The following NRIP1 variants were observed in gnomAD, a reference collection of about 807,000 sequenced individuals.
NRIP1 encodes the protein nuclear receptor interacting protein 1.
In NRIP1, 28 loss-of-function variants were observed where a neutral mutation model predicts 75.0. That is an observed-to-expected ratio of 0.37 (90% CI 0.28 to 0.51). NRIP1 has a LOEUF of 0.51. NRIP1 is among the 20% of genes least tolerant of loss of function. NRIP1 has a pLI of 0.92. For synonymous variants in NRIP1, 526 were observed against 487.6 expected (o/e 1.08, Z -1.04); for missense variants, 1,435 against 1,343.7 (o/e 1.07, Z -1.06).
intron 3 of NRIP1, among the ~76,000 whole-genome samples, chr21:14,998,451 T>C (rs555461348): frequency 2.0e-5 from 3 of 152,342 alleles, no homozygotes; most frequent in Admixed American, 6.5e-5. Context: ...AGAGACTCAA[T>C]TGGCTGCCTT....
intron 3 of NRIP1, among the ~76,000 whole-genome samples, chr21:14,972,923 C>T (rs918171078): frequency 6.6e-6 from 1 of 152,196 alleles, no homozygotes; most frequent in African/African-American, 2.4e-5. Context: ...CACTGCTCAC[C>T]GCCTGCTGTG....
At chr21:15,053,842 AAAC>A (rs2089251344) in intron 1 of NRIP1, among the ~76,000 whole-genome samples, 1 of 152,212 alleles carries the variant, frequency 6.6e-6, no homozygotes, top group African/African-American at 2.4e-5. Context: ...AACAAAAAAG[AAAC>A]AACAAACAAC....
In NRIP1 at chr21:14,979,306, T is replaced by C. The variant is rs191120862; in HGVS notation, c.-334-10780A>G. Among the ~76,000 whole-genome samples, 938 of 152,346 alleles carry C rather than the reference T, an allele frequency of 6.2e-3. 9 individuals carry two copies. Among genetic ancestry groups the C allele is most frequent in the African/African-American group, 0.021 (880 of 41,584 alleles). ...AAGAAATGTAATGGAAAATGGATCT[T>C]TCTTCTTCTGGAATTGCTTGAGTGT... On this transcript the variant is annotated intron_variant, in intron 3 of 3. Coordinates refer to ENST00000318948, the MANE Select transcript of NRIP1 (RefSeq NM_003489.4).
chr21:15,019,313 AAGAT>A (rs61515827), intron 2 of NRIP1, among the ~76,000 whole-genome samples: 37,344 of 149,314 alleles, frequency 0.25, 5,995 homozygotes, highest in African/African-American at 0.46. Flanking sequence ...AACAAATATA[AAGAT>A]AGATAGACTG....
upstream of NRIP1, chr21:15,065,069 C>A: frequency 6.4e-6 from 1 of 155,376 alleles, no homozygotes; most frequent in South Asian, 1.8e-4. Flanking sequence ...GCCGCCGAGT[C>A]CGCCGCGGCC....
intron 1 of NRIP1, among the ~76,000 whole-genome samples, chr21:15,064,216 C>A (rs1978621974): frequency 2.0e-5 from 3 of 152,216 alleles, no homozygotes; most frequent in Non-Finnish European, 4.4e-5. Flanking sequence ...ACCGCGAGTG[C>A]GGGCAGAGCG....
At chr21:15,031,589 G>A (rs1378667326) in intron 2 of NRIP1, among the ~76,000 whole-genome samples, 2 of 137,802 alleles carry the variant, frequency 1.5e-5, no homozygotes, top group Non-Finnish European at 1.6e-5. Flanking sequence ...TCTGGAAGGC[G>A]CTCGGAGGAT....
chr21:15,042,484 T>C (rs2088978136), intron 2 of NRIP1, among the ~76,000 whole-genome samples: 1 of 152,250 alleles, frequency 6.6e-6, no homozygotes, highest in Non-Finnish European at 1.5e-5. Flanking sequence ...CTGAATGTTG[T>C]GTCTCCCCAA....
intron 2 of NRIP1, among the ~76,000 whole-genome samples, chr21:15,036,241 T>C (rs2088830453): frequency 6.6e-6 from 1 of 152,178 alleles, no homozygotes; most frequent in Non-Finnish European, 1.5e-5. Flanking sequence ...GCCCACATAA[T>C]CTAGATGGCC....
intron 3 of NRIP1, among the ~76,000 whole-genome samples, chr21:14,996,381 G>A (rs751004693): frequency 2.6e-5 from 4 of 152,056 alleles, no homozygotes; most frequent in South Asian, 2.1e-4. Context: ...CCGGTCTTTG[G>A]GCGTCTGTGT....
chr21:15,039,030 A>T (rs2147302489), intron 2 of NRIP1, among the ~76,000 whole-genome samples: 1 of 152,268 alleles, frequency 6.6e-6, no homozygotes, highest in Non-Finnish European at 1.5e-5. Context: ...GAAAAAGAGA[A>T]CAGCATAAAG....
rs570756729 is a variant in NRIP1, at chr21:14,984,272, G to C, written c.-334-15746C>G. 3.3e-5 allele frequency among the ~76,000 whole-genome samples: 5 copies of C among 152,168 alleles called. No individual in the cohort carries two copies. The South Asian group carries it at 1.0e-3, about 32-fold the overall frequency. On this transcript the variant is annotated intron_variant, in intron 3 of 3. Coordinates refer to ENST00000318948, the MANE Select transcript of NRIP1 (RefSeq NM_003489.4). ...AGTGGAAGAAGCAACTGCAGATGTG[G>C]TAGAAAAAGCAAAAGAACTAGAAGT...
intron 2 of NRIP1, among the ~76,000 whole-genome samples, chr21:15,033,021 C>T (rs564756227): frequency 8.1e-4 from 123 of 152,068 alleles, no homozygotes; most frequent in Middle Eastern, 6.8e-3. Flanking sequence ...GTCAGGAGAT[C>T]GAGACCATCC....
At chr21:15,015,357 A>G (rs1463424924) in intron 2 of NRIP1, among the ~76,000 whole-genome samples, 1 of 152,152 alleles carries the variant, frequency 6.6e-6, no homozygotes. Flanking sequence ...AACTTGTCAG[A>G]TTGTTCCTTA....
intron 3 of NRIP1, among the ~76,000 whole-genome samples, chr21:14,972,552 G>A (rs1405745849): frequency 6.6e-6 from 1 of 152,080 alleles, no homozygotes; most frequent in African/African-American, 2.4e-5. Flanking sequence ...TCTCTTGCCT[G>A]GTTTTATATA....
At chr21:15,054,685 G>A (rs1234309312) in intron 1 of NRIP1, among the ~76,000 whole-genome samples, 3 of 152,034 alleles carry the variant, frequency 2.0e-5, no homozygotes, top group African/African-American at 2.4e-5. Flanking sequence ...ATACATAAAG[G>A]TTCTACTGCT....
At chr21:15,034,285 T>C (rs892612535) in intron 2 of NRIP1, among the ~76,000 whole-genome samples, 2 of 152,182 alleles carry the variant, frequency 1.3e-5, no homozygotes, top group Admixed American at 6.5e-5. Flanking sequence ...TACAAACCTA[T>C]AAAAATTCAA....
In NRIP1 at chr21:14,966,661, T is replaced by C; in HGVS notation, c.1532A>G (p.Glu511Gly). ...LQLLLGHKNE[E>G]NVEKNTSPQG... is the part of the protein sequence containing the mutation. Reference sequence around the variant, plus strand: ...AGGGCTGGTGTTTTTTTCTACATTTTCTTCATTCTTATGGCCAAGTAGCAA... The same window carrying C: ...AGGGCTGGTGTTTTTTTCTACATTTCCTTCATTCTTATGGCCAAGTAGCAA... The change falls in exon 4 of 4, where the codon GAA becomes GGA. Residue 511 changes from glutamate to glycine, a missense_variant. By Grantham distance (98) the Glu-to-Gly change is moderately conservative. Transcript: ENST00000318948. 1 of 1,614,164 alleles carries C rather than the reference T, an allele frequency of 6.2e-7. No individual in the cohort carries two copies. Among genetic ancestry groups the C allele is most frequent in the Non-Finnish European group, 8.5e-7 (1 of 1,180,002 alleles).
chr21:15,007,592 G>C (rs1414293726), intron 3 of NRIP1, among the ~76,000 whole-genome samples: 3 of 152,144 alleles, frequency 2.0e-5, no homozygotes, highest in African/African-American at 7.2e-5. Flanking sequence ...TTTGTACTTT[G>C]AACTATCAAC....
Sources: gnomAD v4.1 joint callset for allele counts (sites outside exome capture counted in the v4.1 genomes callset) on GRCh38, gnomAD v4.1.1 for gene constraint, MANE v1.5 for transcripts, NCBI Gene and HGNC (gene_info 2026-07-23, HGNC 2026-07-21) for gene names.